ZNF891: variants seen among roughly 807,000 people sequenced by gnomAD.
ZNF891 encodes zinc finger protein 891, also known as hCG1646157.
For synonymous variants in ZNF891, 199 were observed against 209.0 expected (o/e 0.95, Z 0.41); for missense variants, 589 against 632.7 (o/e 0.93, Z 0.74).
rs1299211198 is a variant in ZNF891, at chr12:133,117,250, G to T, written c.*3034C>A. 3 of 152,156 alleles carry T rather than the reference G, an allele frequency of 2.0e-5. No individual in the cohort carries two copies. Among genetic ancestry groups the T allele is most frequent in the Non-Finnish European group, 4.4e-5 (3 of 68,032 alleles). 9.4% of individuals were successfully genotyped at this position (152,156 alleles called of 1,614,324 possible). A position where few individuals can be genotyped will look rare whatever the true frequency, so the allele number is the denominator to read the frequency against. ...TTACTGGCCAGGAACAGTAGAAATG[G>T]CATCAAGGCTACAAAGAGGTTGGGA... On this transcript the variant is annotated 3_prime_UTR_variant, in exon 2 of 2. Coordinates refer to ENST00000537226, the MANE Select transcript of ZNF891 (RefSeq NM_001277291.2).
intron 1 of ZNF891, among the ~76,000 whole-genome samples, chr12:133,126,880 A>C (rs1192967999): frequency 6.6e-6 from 1 of 151,756 alleles, no homozygotes; most frequent in African/African-American, 2.4e-5. Context: ...ATAAAAAAAG[A>C]CCACTATATG....
rs1268721189 is a variant in ZNF891, at chr12:133,121,361, C to T, written c.558G>A (p.Glu186=). 3.3e-6 allele frequency: 5 copies of T among 1,535,976 alleles called. No individual in the cohort carries two copies. Among genetic ancestry groups the T allele is most frequent in the Non-Finnish European group, 4.4e-6 (5 of 1,146,888 alleles). ...CTAATTCATGATAGTCACGGAATAG[C>T]TCCTGAGGTACTGTTTTCTTTGGGG... The part of the protein sequence containing the change: ...IYAPKKTVPQ[E]LFRDYHELEE... The change falls in exon 2 of 2, where the codon GAG becomes GAA. Residue 186 remains glutamate, a synonymous_variant. Coordinates refer to ENST00000537226, the MANE Select transcript of ZNF891 (RefSeq NM_001277291.2).
rs766455468 is a variant in ZNF891, at chr12:133,120,209, G to A, written c.*75C>T. 9 of 1,225,558 alleles carry A rather than the reference G, an allele frequency of 7.3e-6. No homozygotes were observed. Among genetic ancestry groups the A allele is most frequent in the Non-Finnish European group, 9.8e-6 (9 of 916,550 alleles). 75.9% of individuals were successfully genotyped at this position (1,225,558 alleles called of 1,614,324 possible). On this transcript the variant is annotated 3_prime_UTR_variant, in exon 2 of 2. Transcript: ENST00000537226. The stretch of plus-strand genomic sequence containing the variant: ...TTTGTAACCTTAAATCGTTCTTTTA[G>A]AGAACAAAGACTGAGACAAGGAGCT...
rs188148655 is a variant in ZNF891, at chr12:133,111,446, G to A, written c.*8838C>T. The A allele has an allele frequency of 2.6e-5, 4 of 152,320 alleles. No homozygotes were observed. Among genetic ancestry groups the A allele is most frequent in the Admixed American group, 1.3e-4 (2 of 15,294 alleles). 9.4% of individuals were successfully genotyped at this position (152,320 alleles called of 1,614,324 possible). Reference sequence around the variant, plus strand: ...GCCCAGAAGGTTGAGGTGGCAGTGAGCTGAGATTGTGCCACTACACTCCAG... The same window carrying A: ...GCCCAGAAGGTTGAGGTGGCAGTGAACTGAGATTGTGCCACTACACTCCAG... On this transcript the variant is annotated 3_prime_UTR_variant, in exon 2 of 2. Coordinates refer to ENST00000537226, the MANE Select transcript of ZNF891 (RefSeq NM_001277291.2).
rs879284740 is a variant in ZNF891, at chr12:133,118,143, C to G, written c.*2141G>C. The stretch of plus-strand genomic sequence containing the variant: ...GTATTTTAGTAGAACCAGGGTTTCA[C>G]CATGTTGGCCAGGATGGTCTCGATC... On this transcript the variant is annotated 3_prime_UTR_variant, in exon 2 of 2. Transcript: ENST00000537226. 3 of 152,072 alleles carry G rather than the reference C, an allele frequency of 2.0e-5. No homozygotes were observed. The highest frequency in any genetic ancestry group is 2.0e-4 in the Admixed American group (3 of 15,256). The allele number at this position is 152,072 out of a possible 1,614,324, so 9.4% of individuals were successfully genotyped here.
intron 1 of ZNF891, among the ~76,000 whole-genome samples, chr12:133,127,463 T>C (rs1955828666): frequency 1.3e-5 from 2 of 152,232 alleles, no homozygotes; most frequent in African/African-American, 4.8e-5. Flanking sequence ...CACTGCTCCA[T>C]TTCCTATCTA....
At position 133,121,603 on chromosome 12, in the gene ZNF891, T is replaced by C. The variant is rs1170507287; in HGVS notation, c.316A>G (p.Arg106Gly). 6.5e-6 allele frequency: 10 copies of C among 1,536,538 alleles called. No individual in the cohort carries two copies. In the East Asian group the frequency reaches 2.0e-4, roughly 30 times the overall value. The change falls in exon 2 of 2, where the codon AGA becomes GGA. Residue 106 changes from arginine to glycine, a missense_variant. Arg to Gly is a moderately radical substitution (Grantham distance 125, BLOSUM62 -2). Transcript: ENST00000537226. ...DQEEIRNMKK[R>G]IPQAICPDQK... ...TCTGGACAGATGGCTTGGGGAATTC[T>C]CTTTTTCATATTCCTTATCTCTTCT...
Position 133,110,369 on chromosome 12 carries a change from T to G in ZNF891, c.*9915A>C, listed in dbSNP as rs1232785190. 6.6e-6 allele frequency: 1 copy of G among 152,132 alleles called. No individual in the cohort carries two copies. The highest frequency in any genetic ancestry group is 1.5e-5 in the Non-Finnish European group (1 of 68,028). 9.4% of individuals were successfully genotyped at this position (152,132 alleles called of 1,614,324 possible). ...GCTGCATGCCTTTATGTATTATTCT[T>G]CAGGAAAAAAAAGTTTTTTAAAAGA... On this transcript the variant is annotated 3_prime_UTR_variant, in exon 2 of 2. Coordinates refer to ENST00000537226, the MANE Select transcript of ZNF891 (RefSeq NM_001277291.2).
In ZNF891 at chr12:133,110,587, G is replaced by A. The variant is rs1189346055; in HGVS notation, c.*9697C>T. On this transcript the variant is annotated 3_prime_UTR_variant, in exon 2 of 2. Transcript: ENST00000537226. ...GGAGACTTAAGATACTCACAAATAG[G>A]TAAAGCTGGGTTAACTTTTGTTGCT... is the stretch of plus-strand genomic sequence containing the variant. 2.6e-5 allele frequency: 4 copies of A among 152,190 alleles called. No individual in the cohort carries two copies. The highest frequency in any genetic ancestry group is 9.7e-5 in the African/African-American group (4 of 41,444). The allele number at this position is 152,190 out of a possible 1,614,324, so 9.4% of individuals were successfully genotyped here. A position where few individuals can be genotyped will look rare whatever the true frequency, so the allele number is the denominator to read the frequency against.
In ZNF891 at chr12:133,105,680, G is replaced by A; in HGVS notation, c.*14604C>T. ...TACTGAGATGCTGCAAGAAAATCAG[G>A]GATGTATTAGGAAAGTAACAGTCTC... On this transcript the variant is annotated 3_prime_UTR_variant, in exon 2 of 2. Transcript: ENST00000537226. 6.2e-7 allele frequency: 1 copy of A among 1,614,160 alleles called. No individual in the cohort carries two copies. Among genetic ancestry groups the A allele is most frequent in the Non-Finnish European group, 8.5e-7 (1 of 1,180,030 alleles).
intron 1 of ZNF891, chr12:133,122,253 A>C: frequency 9.8e-7 from 1 of 1,022,412 alleles, no homozygotes; most frequent in Non-Finnish European, 1.2e-6. Context: ...GACCACTTTG[A>C]GCTCTGGGTG....
At chr12:133,122,891 CACTA>C (rs1180034009) in intron 1 of ZNF891, among the ~76,000 whole-genome samples, 1 of 152,184 alleles carries the variant, frequency 6.6e-6, no homozygotes, top group Non-Finnish European at 1.5e-5. Flanking sequence ...AGGAGTGAGG[CACTA>C]ACTATTAACA....
Position 133,125,191 on chromosome 12 carries a change from G to A in ZNF891, c.-106-3167C>T, listed in dbSNP as rs1412848649. ...ATTAGTTACTTATTTTTTAGAGACAGGGTGTCACTATATTGGCCAGGCTAA... is the reference window on the plus strand; with the variant it reads ...ATTAGTTACTTATTTTTTAGAGACAAGGTGTCACTATATTGGCCAGGCTAA... On this transcript the variant is annotated intron_variant, in intron 1 of 1. Coordinates refer to ENST00000537226, the MANE Select transcript of ZNF891 (RefSeq NM_001277291.2). Among the ~76,000 whole-genome samples the A allele has an allele frequency of 2.0e-5, 3 of 152,250 alleles. No homozygotes were observed. In the East Asian group the frequency reaches 5.8e-4, roughly 29 times the overall value.
Position 133,121,241 on chromosome 12 carries a change from C to G in ZNF891, c.678G>C (p.Leu226Phe), listed in dbSNP as rs1350441145. The change falls in exon 2 of 2, where the codon TTG becomes TTC. Residue 226 changes from leucine (L) to phenylalanine (F), a missense_variant. Physicochemically the swap from Leu to Phe is conservative, Grantham distance 22. Transcript: ENST00000537226. ...AATTGTTTATGATTGAATTGTGTTT[C>G]AAACATCCAATCTCTGAGTAACATT... is the stretch of plus-strand genomic sequence containing the variant. ...CQKCYSEIGC[L>F]KHNSIINNYV... 2.6e-6 allele frequency: 4 copies of G among 1,535,428 alleles called. No homozygotes were observed. The African/African-American group carries it at 5.5e-5, about 21-fold the overall frequency.
rs1389188543 is a variant in ZNF891 at position 133,110,661 on chromosome 12, AG to A, written c.*9622del. 1 of 152,220 alleles carries A rather than the reference AG, an allele frequency of 6.6e-6. No homozygotes were observed. The highest frequency in any genetic ancestry group is 2.4e-5 in the African/African-American group (1 of 41,450). 9.4% of individuals were successfully genotyped at this position (152,220 alleles called of 1,614,324 possible). ...TATCATACATCAATGTATGTAAGGC[AG>A]GGGGCTAAGTGACTTGTGCCTGTAA... On this transcript the variant is annotated 3_prime_UTR_variant, in exon 2 of 2. Transcript: ENST00000537226.
At position 133,108,549 on chromosome 12, in the gene ZNF891, T is replaced by C. The variant is rs1955655938; in HGVS notation, c.*11735A>G. ...TTCATTTACATAGTCTATGGCTCCT[T>C]ACCTCTATAACTGAAGAGTTTAATA... On this transcript the variant is annotated 3_prime_UTR_variant, in exon 2 of 2. Transcript: ENST00000537226. 1 of 152,108 alleles carries C rather than the reference T, an allele frequency of 6.6e-6. No homozygotes were observed. The highest frequency in any genetic ancestry group is 1.5e-5 in the Non-Finnish European group (1 of 68,026). The allele number at this position is 152,108 out of a possible 1,614,324, so 9.4% of individuals were successfully genotyped here.
Position 133,117,942 on chromosome 12 carries a change from CTTCCTT to C in ZNF891, c.*2336_*2341del, listed in dbSNP as rs1284577217. ...TAACACTAAAAACATTTACCTTCAC[CTTCCTT>C]TTTTTTTTTTTTTTTTTGAGATGAA... On this transcript the variant is annotated 3_prime_UTR_variant, in exon 2 of 2. Coordinates refer to ENST00000537226, the MANE Select transcript of ZNF891 (RefSeq NM_001277291.2). 2 of 136,812 alleles carry C rather than the reference CTTCCTT, an allele frequency of 1.5e-5. No individual in the cohort carries two copies. The highest frequency in any genetic ancestry group is 3.9e-4 in the East Asian group (2 of 5,066). The allele number at this position is 136,812 out of a possible 1,614,324, so 8.5% of individuals were successfully genotyped here. A position where few individuals can be genotyped will look rare whatever the true frequency, so the allele number is the denominator to read the frequency against.
Position 133,115,322 on chromosome 12 carries a change from G to A in ZNF891, c.*4962C>T, listed in dbSNP as rs183511287. 1 of 144,468 alleles carries A rather than the reference G, an allele frequency of 6.9e-6. No homozygotes were observed. The highest frequency in any genetic ancestry group is 2.6e-5 in the African/African-American group (1 of 39,088). 8.9% of individuals were successfully genotyped at this position (144,468 alleles called of 1,614,324 possible). ...GCAGGAGAATTGCTTGAACCCAGGA[G>A]GCAGAGGTTGCTGTGAGCCGAGAAC... On this transcript the variant is annotated 3_prime_UTR_variant, in exon 2 of 2. Transcript: ENST00000537226.
chr12:133,106,425 AAC>A lies in ZNF891; in HGVS notation c.*13857_*13858del. ...CATACGAAGAGTCACACTGGAGAGA[AAC>A]CCTATGCGTGTGCTGAATGTGATAA... On this transcript the variant is annotated 3_prime_UTR_variant, in exon 2 of 2. Coordinates refer to ENST00000537226, the MANE Select transcript of ZNF891 (RefSeq NM_001277291.2). The A allele has an allele frequency of 1.2e-6, 2 of 1,614,134 alleles. No individual in the cohort carries two copies. Among genetic ancestry groups the A allele is most frequent in the Non-Finnish European group, 1.7e-6 (2 of 1,180,022 alleles).
Sources: allele counts gnomAD v4.1 joint callset (sites outside exome capture counted in the v4.1 genomes callset), GRCh38; gene constraint gnomAD v4.1.1; transcripts MANE v1.5; gene names NCBI Gene and HGNC (gene_info 2026-07-23, HGNC 2026-07-21).